Variants in LMBRD1 observed in about 807,000 individuals in gnomAD.
LMBRD1 encodes LMBR1 domain containing 1.
LMBRD1 carries 64 observed loss-of-function variants against 74.8 expected under a neutral mutation model. That is an observed-to-expected ratio of 0.86 (90% confidence interval 0.70 to 1.05). LMBRD1 has a LOEUF of 1.05. Ranked by LOEUF, LMBRD1 falls within the 50% of genes least tolerant of loss-of-function variation. LMBRD1 has a pLI of 0.00. For missense variants in LMBRD1, 652 were observed against 645.9 expected, an observed-to-expected ratio of 1.01 and a Z score of -0.10; for synonymous variants, 204 against 216.3, an observed-to-expected ratio of 0.94 and a Z score of 0.50.
chr6:69,776,514 A>G (rs1385549059), intron 3 of LMBRD1, among the ~76,000 whole-genome samples: 1 of 152,242 alleles, frequency 6.6e-6, no homozygotes, highest in Non-Finnish European at 1.5e-5. Context: ...TTAGGCATCT[A>G]AACATTAATC....
At chr6:69,740,233 T>A (rs916918802) in intron 6 of LMBRD1, among the ~76,000 whole-genome samples, 3 of 152,180 alleles carry the variant, frequency 2.0e-5, no homozygotes. Context: ...GTTTTGGACT[T>A]AGACAGCTCA....
intron 9 of LMBRD1, among the ~76,000 whole-genome samples, chr6:69,711,304 T>C (rs1264671283): frequency 6.6e-6 from 1 of 152,134 alleles, no homozygotes; most frequent in Non-Finnish European, 1.5e-5. Flanking sequence ...CATCAATAAT[T>C]ACCTAAAGTC....
At chr6:69,718,911 C>T (rs1433641711) in intron 8 of LMBRD1, 45 bp downstream of exon 8, 2 of 1,605,428 alleles carry the variant, frequency 1.2e-6, no homozygotes, top group African/African-American at 2.7e-5. Flanking sequence ...AGCTCTAAGA[C>T]AAAGTAGTTT....
At chr6:69,686,352 CAT>C (rs1203184165) in intron 14 of LMBRD1, among the ~76,000 whole-genome samples, 5 of 152,148 alleles carry the variant, frequency 3.3e-5, no homozygotes, top group Admixed American at 1.3e-4. Flanking sequence ...CAGCTACACA[CAT>C]GCTTTCATCC....
chr6:69,684,472 A>AG (rs2149836089), intron 14 of LMBRD1, among the ~76,000 whole-genome samples: 1 of 152,212 alleles, frequency 6.6e-6, no homozygotes, highest in Admixed American at 6.5e-5. Flanking sequence ...TGAAAGTAGG[A>AG]GATAATATAA....
At chr6:69,795,162 G>A (rs990402076) in intron 1 of LMBRD1, among the ~76,000 whole-genome samples, 1 of 152,254 alleles carries the variant, frequency 6.6e-6, no homozygotes, top group Non-Finnish European at 1.5e-5. Context: ...AATAAACCAG[G>A]ATTTAAAGAG....
chr6:69,684,068 TAAAC>T (rs1765715443), intron 14 of LMBRD1, among the ~76,000 whole-genome samples: 1 of 151,998 alleles, frequency 6.6e-6, no homozygotes, highest in East Asian at 1.9e-4. Context: ...GAAAACAAGA[TAAAC>T]AACTGCACTA....
intron 10 of LMBRD1, 56 bp downstream of exon 10, chr6:69,701,833 G>T: frequency 8.3e-7 from 1 of 1,205,626 alleles, no homozygotes; most frequent in Non-Finnish European, 1.2e-6. Flanking sequence ...GCAACAAAAT[G>T]TATATTATCA....
intron 14 of LMBRD1, among the ~76,000 whole-genome samples, chr6:69,691,316 G>A (rs2149839377): frequency 6.7e-6 from 1 of 150,036 alleles, no homozygotes; most frequent in East Asian, 1.9e-4. Context: ...TTATCTCTTG[G>A]TACCCTAGTT....
chr6:69,747,252 C>G (rs1261978592), intron 5 of LMBRD1, among the ~76,000 whole-genome samples: 1 of 152,070 alleles, frequency 6.6e-6, no homozygotes, highest in South Asian at 2.1e-4. Context: ...CTCTCACTCT[C>G]CCCCTCCCCT....
chr6:69,687,807 C>T (rs902938351), intron 14 of LMBRD1, among the ~76,000 whole-genome samples: 2 of 152,088 alleles, frequency 1.3e-5, no homozygotes, highest in Non-Finnish European at 2.9e-5. Flanking sequence ...AACTTTCTCA[C>T]CCTCACTACC....
chr6:69,774,988 AGGGAGGGAGGGAGGGAG>A (rs1562121721), intron 3 of LMBRD1, among the ~76,000 whole-genome samples: 12 of 29,470 alleles, frequency 4.1e-4, no homozygotes, highest in East Asian at 9.1e-4. Context: ...GAAGGAAGGA[AGGGAGGGAGGGAGGGAG>A]GGAGGGAGGG....
intron 1 of LMBRD1, among the ~76,000 whole-genome samples, chr6:69,791,379 G>C (rs1271660568): frequency 6.6e-6 from 1 of 152,180 alleles, no homozygotes; most frequent in Non-Finnish European, 1.5e-5. Context: ...GACAGAGACT[G>C]TGTTATTTCA....
intron 4 of LMBRD1, among the ~76,000 whole-genome samples, chr6:69,750,270 C>T (rs1765097286): frequency 6.6e-6 from 1 of 151,400 alleles, no homozygotes; most frequent in Non-Finnish European, 1.5e-5. Flanking sequence ...AGGTTGTTCT[C>T]ATCTTTAGAC....
Position 69,701,912 on chromosome 6 carries a change from A to G in LMBRD1, c.957T>C (p.Phe319=), listed in dbSNP as rs1252925870. 6.2e-7 allele frequency: 1 copy of G among 1,601,338 alleles called. No individual in the cohort carries two copies. The highest frequency in any genetic ancestry group is 1.7e-5 in the Admixed American group (1 of 59,804). ...ACTTTGACAAGAAGAGAGAAATTAC[A>G]AACAGCAATGCAACTAAGATGAAAA... is the stretch of plus-strand genomic sequence containing the variant. ...GIFFILVALL[F]VISLFLSNLD... The change falls in exon 10 of 16, where the codon TTT becomes TTC. Residue 319 remains phenylalanine (F), a synonymous_variant. Coordinates refer to ENST00000649934, the MANE Select transcript of LMBRD1 (RefSeq NM_018368.4).
At chr6:69,702,045 T>C (rs1355943105) in intron 9 of LMBRD1, 92 bp from the exon 10 acceptor site, 34 of 774,438 alleles carry the variant, frequency 4.4e-5, no homozygotes, top group Non-Finnish European at 9.1e-6. Context: ...TGCTAGAATA[T>C]GACAATGATC....
rs1765532220 is a variant in LMBRD1 at position 69,675,806 on chromosome 6, G to C, written c.*352C>G. 3.8e-6 allele frequency: 1 copy of C among 261,248 alleles called. No homozygotes were observed. The highest frequency in any genetic ancestry group is 7.5e-6 in the Non-Finnish European group (1 of 134,180). The allele number at this position is 261,248 out of a possible 1,614,324, so 16.2% of individuals were successfully genotyped here. A position where few individuals can be genotyped will look rare whatever the true frequency, so the allele number is the denominator to read the frequency against. ...TCCACATCACTCTGGAGAACCTAAG[G>C]CACAGATACAGATGATTTATTATGT... On this transcript the variant is annotated 3_prime_UTR_variant, in exon 16 of 16. Coordinates refer to ENST00000649934, the MANE Select transcript of LMBRD1 (RefSeq NM_018368.4).
At chr6:69,724,362 A>AC (rs1766680956) in intron 7 of LMBRD1, among the ~76,000 whole-genome samples, 1 of 149,438 alleles carries the variant, frequency 6.7e-6, no homozygotes, top group African/African-American at 2.4e-5. Flanking sequence ...AAAAAAAAAA[A>AC]AAACACTACA....
At chr6:69,708,350 A>G (rs1308324635) in intron 9 of LMBRD1, among the ~76,000 whole-genome samples, 1 of 152,238 alleles carries the variant, frequency 6.6e-6, no homozygotes, top group Non-Finnish European at 1.5e-5. Context: ...AAAATCCTAC[A>G]TATAGAACTA....
Sources: gnomAD v4.1 joint callset for allele counts (sites outside exome capture counted in the v4.1 genomes callset) on GRCh38, gnomAD v4.1.1 for gene constraint, MANE v1.5 for transcripts, NCBI Gene and HGNC (gene_info 2026-07-23, HGNC 2026-07-21) for gene names.